DMRT3: variants seen among roughly 807,000 people sequenced by gnomAD.
DMRT3 encodes doublesex- and mab-3-related transcription factor 3.
DMRT3 carries 29 observed loss-of-function variants against 34.9 expected under a neutral mutation model. The observed-to-expected ratio is 0.83, with a 90% CI of 0.62 to 1.13. The LOEUF (loss-of-function observed/expected upper bound fraction) is 1.13, where lower values mean the gene tolerates loss of function less well. Ranked by LOEUF, DMRT3 falls within the 50% of genes most tolerant of loss-of-function variation. DMRT3 has a pLI of 0.00. For synonymous variants in DMRT3, 350 were observed against 286.0 expected, an observed-to-expected ratio of 1.22 and a Z score of -2.26; for missense variants, 772 against 629.1, an observed-to-expected ratio of 1.23 and a Z score of -2.43.
At chr9:988,186 A>G (rs1820308375) in intron 1 of DMRT3, among the ~76,000 whole-genome samples, 2 of 152,226 alleles carry the variant, frequency 1.3e-5, no homozygotes, top group African/African-American at 2.4e-5. Context: ...GAGTCATTAT[A>G]TAAAGTGAAG....
chr9:976,965 C>G lies in DMRT3; in HGVS notation c.-37C>G, dbSNP rs767134283. 7.0e-7 allele frequency: 1 copy of G among 1,435,192 alleles called. No individual in the cohort carries two copies. The highest frequency in any genetic ancestry group is 9.2e-7 in the Non-Finnish European group (1 of 1,092,292). The allele number at this position is 1,435,192 out of a possible 1,614,324, so 88.9% of individuals were successfully genotyped here. A position where few individuals can be genotyped will look rare whatever the true frequency, so the allele number is the denominator to read the frequency against. ...CGTCCAGCGCTCCCTGGCCCTCTCCCGCAGCCAGGCTGCCAACTCATTCGG... is the reference window on the plus strand; with the variant it reads ...CGTCCAGCGCTCCCTGGCCCTCTCCGGCAGCCAGGCTGCCAACTCATTCGG... On this transcript the variant is annotated 5_prime_UTR_variant, in exon 1 of 2. Transcript: ENST00000190165. This position sits in a 1 kb window ranked among gnomAD's most constrained non-coding sequence, Gnocchi z 4.5.
intron 1 of DMRT3, among the ~76,000 whole-genome samples, chr9:987,373 T>C (rs887077874): frequency 6.6e-6 from 1 of 151,908 alleles, no homozygotes; most frequent in African/African-American, 2.4e-5. Flanking sequence ...ATAGCATGTA[T>C]TGGAATTCCA....
Position 990,707 on chromosome 9 carries a change from A to G in DMRT3, c.1121A>G (p.Asn374Ser). Residue 374 changes from asparagine (N) to serine (S), a missense_variant, in exon 2 of 2, where the codon AAT (asparagine) becomes AGT (serine). Coordinates refer to ENST00000190165, the MANE Select transcript of DMRT3 (RefSeq NM_021240.4). The part of the protein sequence containing the change: ...QPPRYPLMLR[N>S]TLARSQSSPF... ...CCCCGGTACCCGCTGATGCTGAGGA[A>G]TACTTTGGCGAGAAGCCAGTCGAGC... The G allele has an allele frequency of 3.1e-6, 5 of 1,614,082 alleles. No homozygotes were observed. Among genetic ancestry groups the G allele is most frequent in the Non-Finnish European group, 4.2e-6 (5 of 1,180,024 alleles).
At chr9:984,876 C>G (rs1820265148) in intron 1 of DMRT3, among the ~76,000 whole-genome samples, 3 of 151,870 alleles carry the variant, frequency 2.0e-5, no homozygotes, top group South Asian at 2.1e-4. Flanking sequence ...ATGTGAAAAA[C>G]TCCCCTAAAG....
chr9:980,419 T>C (rs1407265683), intron 1 of DMRT3, among the ~76,000 whole-genome samples: 2 of 152,142 alleles, frequency 1.3e-5, no homozygotes, highest in East Asian at 3.8e-4. Flanking sequence ...TTTTTCTTTT[T>C]GAATGTAGAT....
rs144138014 is a variant in DMRT3, at chr9:990,330, C to T, written c.744C>T (p.Asn248=). 419 of 1,613,878 alleles carry T rather than the reference C, an allele frequency of 2.6e-4. No homozygotes were observed. The highest frequency in any genetic ancestry group is 1.5e-3 in the Middle Eastern group (9 of 6,062). Residue 248 remains asparagine (N), a synonymous_variant, in exon 2 of 2, where the codon AAC becomes AAT. Coordinates refer to ENST00000190165, the MANE Select transcript of DMRT3 (RefSeq NM_021240.4). ...CTCTGCCCTTCAGCTTGAAAGCCAA[C>T]AGACCGCCGCTTGAAGTGTTAAAAA... is the stretch of plus-strand genomic sequence containing the variant. The part of the protein sequence containing the change: ...TVSLPFSLKA[N]RPPLEVLKKI...
intron 1 of DMRT3, among the ~76,000 whole-genome samples, chr9:989,165 C>T (rs888924075): frequency 1.3e-5 from 2 of 152,216 alleles, no homozygotes; most frequent in African/African-American, 4.8e-5. Context: ...AAGGTATCTT[C>T]AAGTCCTTTC....
rs775332783 is a variant in DMRT3 at position 991,560 on chromosome 9, A to G, written c.*555A>G. The G allele has an allele frequency of 1.3e-5, 2 of 153,162 alleles. No individual in the cohort carries two copies. Among genetic ancestry groups the G allele is most frequent in the East Asian group, 3.9e-4 (2 of 5,190 alleles). 9.5% of individuals were successfully genotyped at this position (153,162 alleles called of 1,614,324 possible). A position where few individuals can be genotyped will look rare whatever the true frequency, so the allele number is the denominator to read the frequency against. ...TGGACAGTTTTCAGAGACAAACCCC[A>G]TTAAGAATTACTCTTTTCACATGGC... On this transcript the variant is annotated 3_prime_UTR_variant, in exon 2 of 2. Coordinates refer to ENST00000190165, the MANE Select transcript of DMRT3 (RefSeq NM_021240.4).
In DMRT3 at chr9:991,260, C is replaced by G; in HGVS notation, c.*255C>G. 1 of 370,808 alleles carries G rather than the reference C, an allele frequency of 2.7e-6. No homozygotes were observed. Among genetic ancestry groups the G allele is most frequent in the South Asian group, 6.6e-5 (1 of 15,148 alleles). 23.0% of individuals were successfully genotyped at this position (370,808 alleles called of 1,614,324 possible). A position where few individuals can be genotyped will look rare whatever the true frequency, so the allele number is the denominator to read the frequency against. ...AAGAGAGTCTAATGTTAAGAATAGTCTTGGGAAGGCTGGGTCCGTGGAAGA... is the reference window on the plus strand; with the variant it reads ...AAGAGAGTCTAATGTTAAGAATAGTGTTGGGAAGGCTGGGTCCGTGGAAGA... On this transcript the variant is annotated 3_prime_UTR_variant, in exon 2 of 2. Coordinates refer to ENST00000190165, the MANE Select transcript of DMRT3 (RefSeq NM_021240.4).
intron 1 of DMRT3, among the ~76,000 whole-genome samples, chr9:982,540 A>C (rs913284356): frequency 2.0e-5 from 3 of 152,246 alleles, no homozygotes; most frequent in Non-Finnish European, 4.4e-5. Flanking sequence ...TAACTTTCGG[A>C]GAAGGTCAGG....
chr9:986,615 G>A (rs1273909185), intron 1 of DMRT3, among the ~76,000 whole-genome samples: 2 of 152,074 alleles, frequency 1.3e-5, no homozygotes, highest in African/African-American at 2.4e-5. Flanking sequence ...TGAGCTGGCC[G>A]GGCGTGGTGG....
In DMRT3 at chr9:991,107, T is replaced by C; in HGVS notation, c.*102T>C. The C allele has an allele frequency of 7.0e-7, 1 of 1,431,540 alleles. No homozygotes were observed. Among genetic ancestry groups the C allele is most frequent in the Non-Finnish European group, 9.4e-7 (1 of 1,063,864 alleles). 88.7% of individuals were successfully genotyped at this position (1,431,540 alleles called of 1,614,324 possible). ...TCTTGTGTATGCCCTTTCCTTCTGTTTGACAAAGTGACTGTGCTTGATTCT... is the reference window on the plus strand; with the variant it reads ...TCTTGTGTATGCCCTTTCCTTCTGTCTGACAAAGTGACTGTGCTTGATTCT... On this transcript the variant is annotated 3_prime_UTR_variant, in exon 2 of 2. Transcript: ENST00000190165.
In DMRT3 at chr9:982,240, C is replaced by T. The variant is rs547826012; in HGVS notation, c.454+4785C>T. Among the ~76,000 whole-genome samples the T allele has an allele frequency of 1.2e-4, 19 of 152,298 alleles. No individual in the cohort carries two copies. In the East Asian group the frequency reaches 2.3e-3, roughly 19 times the overall value. The stretch of plus-strand genomic sequence containing the variant: ...CTCCTAGTTCTTTCTCTGCAGAGCC[C>T]GAGCTGCCTGGGACTGGCGTCAGGG... On this transcript the variant is annotated intron_variant, in intron 1 of 1. Transcript: ENST00000190165.
chr9:979,841 A>G (rs75809511), intron 1 of DMRT3, among the ~76,000 whole-genome samples: 5 of 152,202 alleles, frequency 3.3e-5, no homozygotes, highest in South Asian at 2.1e-4. Context: ...ATAACATTCC[A>G]TATGTATTTA....
In DMRT3 at chr9:976,870, A is replaced by T. The variant is rs1219833135; in HGVS notation, c.-132A>T. 2 of 997,458 alleles carry T rather than the reference A, an allele frequency of 2.0e-6. No individual in the cohort carries two copies. 61.8% of individuals were successfully genotyped at this position (997,458 alleles called of 1,614,324 possible). A position where few individuals can be genotyped will look rare whatever the true frequency, so the allele number is the denominator to read the frequency against. On this transcript the variant is annotated 5_prime_UTR_variant, in exon 1 of 2. Transcript: ENST00000190165. This position sits in a 1 kb window ranked among gnomAD's most constrained non-coding sequence, Gnocchi z 4.5. The stretch of plus-strand genomic sequence containing the variant: ...CTCCGGCCGCCCCGGAGCACACACG[A>T]CCACCGGGGCTGCGGGACCAAGGGC...
chr9:982,644 C>T (rs1385232587), intron 1 of DMRT3, among the ~76,000 whole-genome samples: 2 of 152,214 alleles, frequency 1.3e-5, no homozygotes, highest in African/African-American at 4.8e-5. Flanking sequence ...CCAGTCAGCA[C>T]TTTCTGCTAA....
intron 1 of DMRT3, among the ~76,000 whole-genome samples, chr9:988,849 C>T (rs1344661960): frequency 6.6e-6 from 1 of 152,086 alleles, no homozygotes; most frequent in Admixed American, 6.5e-5. Flanking sequence ...ACAGCCAGCG[C>T]GTGTTTCAAA....
rs769489578 is a variant in DMRT3, at chr9:990,423, G to A, written c.837G>A (p.Val279=). 3.3e-5 allele frequency: 54 copies of A among 1,614,016 alleles called. 1 individual carries two copies. Among genetic ancestry groups the A allele is most frequent in the Middle Eastern group, 1.6e-4 (1 of 6,084 alleles). Residue 279 remains valine (V), a synonymous_variant, in exon 2 of 2, where the codon GTG becomes GTA. Coordinates refer to ENST00000190165, the MANE Select transcript of DMRT3 (RefSeq NM_021240.4). ...TCAAGGGCTGTGGCGGGGACCTGGT[G>A]AGCGCCGTGGAAGTCCTTCTGTCCA... ...LILKGCGGDL[V]SAVEVLLSSR... is the part of the protein sequence containing the mutation.
At chr9:981,969 C>G (rs1046045941) in intron 1 of DMRT3, among the ~76,000 whole-genome samples, 1 of 152,234 alleles carries the variant, frequency 6.6e-6, no homozygotes, top group Admixed American at 6.5e-5. Flanking sequence ...CTTCACTACC[C>G]TCTCCTTCCC....
Sources: allele counts gnomAD v4.1 joint callset (sites outside exome capture counted in the v4.1 genomes callset), GRCh38; gene constraint gnomAD v4.1.1; non-coding constraint Gnocchi (gnomAD v3.1); transcripts MANE v1.5; gene names NCBI Gene and HGNC (gene_info 2026-07-23, HGNC 2026-07-21).